The following TMPRSS15 variants were observed in gnomAD, a reference collection of about 807,000 sequenced individuals.
TMPRSS15 encodes transmembrane serine protease 15, also known as enteropeptidase.
Under a neutral mutation model 125.3 loss-of-function variants are expected in TMPRSS15, and 128 were observed. The ratio of observed to expected loss-of-function variants is 1.02; its 90% CI spans 0.89 to 1.18. TMPRSS15 has a LOEUF of 1.18. Ranked by LOEUF, TMPRSS15 falls within the 50% of genes most tolerant of loss-of-function variation. TMPRSS15 has a pLI of 0.00. For missense variants in TMPRSS15, 1,283 were observed against 1,212.7 expected (o/e 1.06, Z -0.86); for synonymous variants, 446 against 423.2 (o/e 1.05, Z -0.66).
At chr21:18,286,543 C>T (rs1487996736) in intron 21 of TMPRSS15, among the ~76,000 whole-genome samples, 1 of 152,192 alleles carries the variant, frequency 6.6e-6, no homozygotes, top group African/African-American at 2.4e-5. Flanking sequence ...TCAACACTCA[C>T]TCCATTCTCT....
intron 7 of TMPRSS15, 80 bp downstream of exon 7, chr21:18,365,060 A>G: frequency 4.2e-6 from 5 of 1,189,620 alleles, no homozygotes; most frequent in Non-Finnish European, 6.2e-6. Flanking sequence ...ATTCTTTAAA[A>G]AACTACTGAA....
chr21:18,457,859 A>G (rs1012028328), intron 1 of TMPRSS15, among the ~76,000 whole-genome samples: 2 of 152,160 alleles, frequency 1.3e-5, no homozygotes, highest in Non-Finnish European at 2.9e-5. Context: ...TGTTGTTTAA[A>G]TTCTGTGGCC....
At chr21:18,476,455 A>G (rs1238199622) in intron 1 of TMPRSS15, among the ~76,000 whole-genome samples, 1 of 152,140 alleles carries the variant, frequency 6.6e-6, no homozygotes, top group African/African-American at 2.4e-5. Flanking sequence ...AAAAGAGACA[A>G]GCTTTTGGGG....
At chr21:18,439,681 A>T (rs1029746989) in intron 1 of TMPRSS15, among the ~76,000 whole-genome samples, 2 of 152,214 alleles carry the variant, frequency 1.3e-5, no homozygotes, top group Non-Finnish European at 2.9e-5. Flanking sequence ...AAGTGACAAG[A>T]ATCAATAATG....
chr21:18,341,408 CT>C lies in TMPRSS15; in HGVS notation c.1564+4del, dbSNP rs767550386. The C allele has an allele frequency of 6.2e-7, 1 of 1,614,070 alleles. No individual in the cohort carries two copies. The highest frequency in any genetic ancestry group is 2.2e-5 in the East Asian group (1 of 44,878). On this transcript the variant is annotated splice_donor_region_variant and intron_variant, in intron 13 of 24. Transcript: ENST00000284885. ...TAAGACAAAATACACATGAAGGTTA[CT>C]TACTAGGAAGTTCTGGTGGAGGAGT...
At chr21:18,398,365 T>C (rs1244229333) in intron 1 of TMPRSS15, 36 bp from the exon 2 acceptor site, 1 of 1,609,946 alleles carries the variant, frequency 6.2e-7, no homozygotes, top group South Asian at 1.1e-5. Flanking sequence ...ACTAAGATTT[T>C]GGATTATGAG....
chr21:18,283,975 T>C (rs543053503), intron 21 of TMPRSS15, among the ~76,000 whole-genome samples: 1 of 152,330 alleles, frequency 6.6e-6, no homozygotes, highest in Non-Finnish European at 1.5e-5. Context: ...GCAGATTAAA[T>C]ATACGTGCTT....
chr21:18,372,456 C>CATTTACAAATGATTG, intron 5 of TMPRSS15, 132 bp from the exon 6 acceptor site: 1 of 798,206 alleles, frequency 1.3e-6, no homozygotes, highest in Non-Finnish European at 2.0e-6. Context: ...ATATTTATTT[C>CATTTACAAATGATTG]ATTTGCAAAT....
At chr21:18,378,787 A>G (rs904106065) in intron 5 of TMPRSS15, among the ~76,000 whole-genome samples, 6 of 152,106 alleles carry the variant, frequency 3.9e-5, no homozygotes, top group Non-Finnish European at 8.8e-5. Flanking sequence ...TTGGCACACC[A>G]AAGATACATA....
At chr21:18,324,883 C>A (rs1324722001) in intron 16 of TMPRSS15, among the ~76,000 whole-genome samples, 1 of 151,990 alleles carries the variant, frequency 6.6e-6, no homozygotes, top group African/African-American at 2.4e-5. Flanking sequence ...AATAGGTACA[C>A]CACAAACAGA....
chr21:18,314,561 AGC>A, intron 17 of TMPRSS15, among the ~76,000 whole-genome samples: 1 of 152,092 alleles, frequency 6.6e-6, no homozygotes, highest in South Asian at 2.1e-4. Context: ...TATAGGCGTG[AGC>A]CACTGCGCCT....
chr21:18,318,898 C>T (rs139990080), intron 16 of TMPRSS15, among the ~76,000 whole-genome samples: 9 of 152,036 alleles, frequency 5.9e-5, no homozygotes, highest in Non-Finnish European at 1.2e-4. Flanking sequence ...TTTCACAAAG[C>T]AGGGAATAAG....
At chr21:18,399,885 C>T (rs559073764) in intron 1 of TMPRSS15, among the ~76,000 whole-genome samples, 1 of 152,176 alleles carries the variant, frequency 6.6e-6, no homozygotes, top group East Asian at 1.9e-4. Context: ...AGCAAAGTTT[C>T]AGGATACAAA....
chr21:18,330,406 A>G lies in TMPRSS15; in HGVS notation c.1655-1112T>C, dbSNP rs546758432. Among the ~76,000 whole-genome samples, 5 of 152,310 alleles carry G rather than the reference A, an allele frequency of 3.3e-5. No individual in the cohort carries two copies. The South Asian group carries it at 1.0e-3, about 32-fold the overall frequency. On this transcript the variant is annotated intron_variant, in intron 14 of 24. Coordinates refer to ENST00000284885, the MANE Select transcript of TMPRSS15 (RefSeq NM_002772.3). ...CTCCAGTGCTCTCAGAATAAATTCA[A>G]ACTTCATAACATGGTGTAAAATTCT...
intron 1 of TMPRSS15, among the ~76,000 whole-genome samples, chr21:18,451,243 A>G (rs1373092211): frequency 2.0e-5 from 3 of 152,200 alleles, no homozygotes; most frequent in African/African-American, 7.2e-5. Flanking sequence ...ACATAATGTG[A>G]CAAATGTTGC....
At chr21:18,290,475 A>T (rs1238084246) in intron 21 of TMPRSS15, among the ~76,000 whole-genome samples, 1 of 151,894 alleles carries the variant, frequency 6.6e-6, no homozygotes, top group East Asian at 1.9e-4. Context: ...GACTATATTA[A>T]GGCTGATAAA....
chr21:18,359,195 G>A (rs779334443), intron 8 of TMPRSS15, among the ~76,000 whole-genome samples: 1 of 151,954 alleles, frequency 6.6e-6, no homozygotes, highest in Non-Finnish European at 1.5e-5. Context: ...GGCATTCCCT[G>A]CCCTCTTTTC....
chr21:18,328,713 C>G (rs1214091343), intron 15 of TMPRSS15, among the ~76,000 whole-genome samples: 1 of 151,810 alleles, frequency 6.6e-6, no homozygotes, highest in Non-Finnish European at 1.5e-5. Flanking sequence ...TTTGATAGCA[C>G]AATAGGGTGA....
chr21:18,365,357 T>C (rs2075716960), intron 6 of TMPRSS15, 109 bp from the exon 7 acceptor site: 3 of 857,544 alleles, frequency 3.5e-6, no homozygotes, highest in South Asian at 2.8e-5. Flanking sequence ...GGTTATTTTA[T>C]GAAACTGAAA....
Sources: gnomAD v4.1 joint callset for allele counts (sites outside exome capture counted in the v4.1 genomes callset) on GRCh38, gnomAD v4.1.1 for gene constraint, MANE v1.5 for transcripts, NCBI Gene and HGNC (gene_info 2026-07-23, HGNC 2026-07-21) for gene names.